The following TBC1D4 variants were observed in gnomAD, a reference collection of about 807,000 sequenced individuals.
TBC1D4 encodes TBC1 domain family member 4, also known as TBC (Tre-2, BUB2, CDC16) domain-containing protein.
In TBC1D4, 121 loss-of-function variants were observed where a neutral mutation model predicts 142.5. The ratio of observed to expected loss-of-function variants is 0.85; its 90% confidence interval spans 0.73 to 0.99. The LOEUF (loss-of-function observed/expected upper bound fraction) is 0.99, where lower values mean the gene tolerates loss of function less well. TBC1D4 is among the 50% of genes least tolerant of loss of function. The pLI is 0.00. For synonymous variants in TBC1D4, 630 were observed against 628.2 expected, an observed-to-expected ratio of 1.00 and a Z score of -0.04; for missense variants, 1,475 against 1,606.6, an observed-to-expected ratio of 0.92 and a Z score of 1.40.
At chr13:75,458,160 T>C (rs1021101445) in intron 1 of TBC1D4, among the ~76,000 whole-genome samples, 1 of 151,948 alleles carries the variant, frequency 6.6e-6, no homozygotes, top group African/African-American at 2.4e-5. Context: ...TGAAGGATGG[T>C]GAATGTGAGG....
At chr13:75,402,391 T>C (rs1000526368) in intron 1 of TBC1D4, among the ~76,000 whole-genome samples, 1 of 152,082 alleles carries the variant, frequency 6.6e-6, no homozygotes, top group Admixed American at 6.5e-5. Context: ...CGTTGAAACA[T>C]GCCAAAGGAC....
At chr13:75,472,140 GATGGGCC>G (rs1408841512) in intron 1 of TBC1D4, among the ~76,000 whole-genome samples, 1 of 149,226 alleles carries the variant, frequency 6.7e-6, no homozygotes, top group Non-Finnish European at 1.5e-5. Context: ...AAGAAATATG[GATGGGCC>G]ATTGCGGTGG....
intron 1 of TBC1D4, among the ~76,000 whole-genome samples, chr13:75,427,212 C>T (rs1886411143): frequency 1.3e-5 from 2 of 152,082 alleles, no homozygotes; most frequent in African/African-American, 2.4e-5. Context: ...CTCAGCCTCC[C>T]GAGTAGCTGG....
intron 1 of TBC1D4, among the ~76,000 whole-genome samples, chr13:75,432,439 C>T (rs908609638): frequency 2.0e-5 from 3 of 152,086 alleles, no homozygotes; most frequent in Non-Finnish European, 4.4e-5. Context: ...GCAGGAATGT[C>T]AACAACCACA....
At chr13:75,454,636 CTTTAT>C (rs1036877574) in intron 1 of TBC1D4, among the ~76,000 whole-genome samples, 2 of 152,172 alleles carry the variant, frequency 1.3e-5, no homozygotes, top group African/African-American at 4.8e-5. Flanking sequence ...AACTGCTAGA[CTTTAT>C]TAAGCAATAG....
intron 1 of TBC1D4, among the ~76,000 whole-genome samples, chr13:75,407,709 C>G (rs1040352323): frequency 9.9e-5 from 15 of 152,086 alleles, no homozygotes; most frequent in African/African-American, 3.4e-4. Flanking sequence ...CATGGGAGCA[C>G]AGCAGCTGAA....
At chr13:75,354,705 G>A (rs562086094) in intron 4 of TBC1D4, among the ~76,000 whole-genome samples, 137 of 151,940 alleles carry the variant, frequency 9.0e-4, no homozygotes, top group African/African-American at 3.2e-3. Context: ...GGTGGGGAGC[G>A]GGGCATGTGT....
chr13:75,409,057 A>ACACT (rs1025146287), intron 1 of TBC1D4, among the ~76,000 whole-genome samples: 5 of 150,382 alleles, frequency 3.3e-5, no homozygotes, highest in Admixed American at 2.0e-4. Flanking sequence ...ACACACACAC[A>ACACT]CTCACATACA....
In TBC1D4 at chr13:75,480,877, GCACA is replaced by G. The variant is rs35548574; in HGVS notation, c.498+389_498+392del. Among the ~76,000 whole-genome samples, 425 of 124,174 alleles carry G rather than the reference GCACA, an allele frequency of 3.4e-3. 1 individual carries two copies. Among genetic ancestry groups the G allele is most frequent in the African/African-American group, 8.0e-3 (318 of 39,556 alleles). 81.5% of individuals were successfully genotyped at this position (124,174 alleles called of 152,430 possible). ...TACACGCGCTCGCGCGCACACGCAC[GCACA>G]CACACACACACACACACACACACAC... On this transcript the variant is annotated intron_variant, in intron 1 of 20. Coordinates refer to ENST00000377636, the MANE Select transcript of TBC1D4 (RefSeq NM_014832.5).
At chr13:75,374,335 C>A (rs1243561843) in intron 1 of TBC1D4, among the ~76,000 whole-genome samples, 2 of 152,104 alleles carry the variant, frequency 1.3e-5, no homozygotes, top group African/African-American at 4.8e-5. Flanking sequence ...TCCCAAAGCC[C>A]TTTCAAAAGA....
chr13:75,481,574 C>A lies in TBC1D4; in HGVS notation c.194G>T (p.Arg65Leu), dbSNP rs1010458153. 2 of 1,601,474 alleles carry A rather than the reference C, an allele frequency of 1.2e-6. No homozygotes were observed. The highest frequency in any genetic ancestry group is 2.2e-5 in the South Asian group (2 of 89,810). Residue 65 changes from arginine to leucine, a missense_variant, in exon 1 of 21, where the codon CGC (arginine) becomes CTC (leucine). Around this residue, in one of 2 missense-constraint regions of TBC1D4, gnomAD observed 1,227 missense variants for 1,267.7 expected, o/e 0.97. Transcript: ENST00000377636. ...LPWLMAEIRR[R>L]SQKPEAGGCG... The stretch of plus-strand genomic sequence containing the variant: ...GCCGCCCGCCTCGGGCTTCTGGCTG[C>A]GCCTGCGGATCTCGGCCATGAGCCA...
At chr13:75,318,206 C>T (rs556837885) in intron 12 of TBC1D4, among the ~76,000 whole-genome samples, 1 of 152,356 alleles carries the variant, frequency 6.6e-6, no homozygotes, top group African/African-American at 2.4e-5. Context: ...CAGGGCAACA[C>T]AGATATACTT....
At chr13:75,287,181 C>CACAAAGATGTA (rs1874773855) in intron 20 of TBC1D4, among the ~76,000 whole-genome samples, 156 bp from the exon 21 acceptor site, 1 of 152,122 alleles carries the variant, frequency 6.6e-6, no homozygotes, top group South Asian at 2.1e-4. Flanking sequence ...TATTAGGTTT[C>CACAAAGATGTA]ACAAAGATGT....
At chr13:75,401,730 T>C (rs7986697) in intron 1 of TBC1D4, among the ~76,000 whole-genome samples, 5,265 of 152,270 alleles carry the variant, frequency 0.035, 306 homozygotes, top group African/African-American at 0.12. Flanking sequence ...TTCTTGTTGT[T>C]GTTAGCTACT....
In TBC1D4 at chr13:75,286,830, T is replaced by C. The variant is rs1874721019; in HGVS notation, c.3859A>G (p.Asn1287Asp). 2 of 1,613,936 alleles carry C rather than the reference T, an allele frequency of 1.2e-6. No homozygotes were observed. The highest frequency in any genetic ancestry group is 1.7e-6 in the Non-Finnish European group (2 of 1,179,948). ...CCTATCTTGGCTTTGTTGTTAGGGT[T>C]GCAGTTTAGGTCTCTCAGCAACAGG... ...CDLLLRDLNCNPNNKAKIGNK... is the reference protein window; with the variant it reads ...CDLLLRDLNCDPNNKAKIGNK... Residue 1287 changes from asparagine to aspartate, a missense_variant, in exon 21 of 21, where the codon AAC (asparagine) becomes GAC (aspartate). Physicochemically the swap from Asn to Asp is conservative, Grantham distance 23. This residue lies in a region of TBC1D4 where 248 missense variants were observed against 338.9 expected (regional missense o/e 0.73). Transcript: ENST00000377636.
At chr13:75,340,257 G>A (rs991654573) in intron 7 of TBC1D4, among the ~76,000 whole-genome samples, 16 of 152,148 alleles carry the variant, frequency 1.1e-4, no homozygotes, top group Non-Finnish European at 2.2e-4. Context: ...TCTGAATATA[G>A]TGAAATAAAG....
intron 10 of TBC1D4, among the ~76,000 whole-genome samples, chr13:75,325,275 A>G (rs1159173916): frequency 6.6e-6 from 1 of 152,004 alleles, no homozygotes; most frequent in Non-Finnish European, 1.5e-5. Flanking sequence ...TATTTTTTGT[A>G]TCATAAAATA....
intron 1 of TBC1D4, among the ~76,000 whole-genome samples, chr13:75,410,076 C>A (rs955863935): frequency 1.3e-5 from 2 of 152,316 alleles, no homozygotes; most frequent in Admixed American, 1.3e-4. Flanking sequence ...AAAATAACAG[C>A]ACTCTCAGAG....
At chr13:75,337,972 A>G (rs1281710038) in intron 7 of TBC1D4, among the ~76,000 whole-genome samples, 3 of 152,256 alleles carry the variant, frequency 2.0e-5, no homozygotes, top group Non-Finnish European at 4.4e-5. Flanking sequence ...AGTAGAAGGT[A>G]ACACGAGAAA....
Sources: allele counts gnomAD v4.1 joint callset (sites outside exome capture counted in the v4.1 genomes callset), GRCh38; gene constraint gnomAD v4.1.1; regional missense constraint gnomAD v4.1.1; transcripts MANE v1.5; gene names NCBI Gene and HGNC (gene_info 2026-07-23, HGNC 2026-07-21).